Variants in SYNPR observed in about 807,000 individuals in gnomAD.
SYNPR encodes synaptoporin.
Under a neutral mutation model 32.9 loss-of-function variants are expected in SYNPR, and 23 were observed. That is an observed-to-expected ratio of 0.70 (90% CI 0.50 to 0.99). The LOEUF (loss-of-function observed/expected upper bound fraction) is 0.99. Ranked by LOEUF, SYNPR falls within the 50% of genes least tolerant of loss-of-function variation. SYNPR has a pLI of 0.00. For synonymous variants in SYNPR, 146 were observed against 135.9 expected (o/e 1.07, Z -0.52); for missense variants, 318 against 349.3 (o/e 0.91, Z 0.71).
chr3:63,603,212 C>T (rs11921681), intron 4 of SYNPR, among the ~76,000 whole-genome samples: 94,239 of 152,028 alleles, frequency 0.62, 29,448 homozygotes, highest in African/African-American at 0.68. Context: ...AAAACTTTGC[C>T]GAAGTTGTCT....
intron 4 of SYNPR, among the ~76,000 whole-genome samples, chr3:63,605,360 T>C (rs1700102701): frequency 6.6e-6 from 1 of 152,198 alleles, no homozygotes; most frequent in Non-Finnish European, 1.5e-5. Flanking sequence ...TTTGCCCTTC[T>C]ACACGATGGC....
chr3:63,403,298 G>C (rs1029678506), intron 2 of SYNPR, among the ~76,000 whole-genome samples: 1 of 152,020 alleles, frequency 6.6e-6, no homozygotes, highest in African/African-American at 2.4e-5. Context: ...GATTTGAAAA[G>C]AACATTAAAT....
intron 2 of SYNPR, among the ~76,000 whole-genome samples, chr3:63,428,007 T>C (rs1160157801): frequency 1.3e-5 from 2 of 152,226 alleles, no homozygotes; most frequent in Admixed American, 6.5e-5. Flanking sequence ...TTTTAAAATG[T>C]ATTTTCTGTC....
intron 2 of SYNPR, among the ~76,000 whole-genome samples, chr3:63,296,535 G>A (rs530994560): frequency 6.6e-6 from 1 of 152,272 alleles, no homozygotes; most frequent in South Asian, 2.1e-4. Context: ...TGAGATGATG[G>A]AATTAGTGAC....
chr3:63,388,948 C>T (rs1471256501), intron 2 of SYNPR, among the ~76,000 whole-genome samples: 1 of 152,094 alleles, frequency 6.6e-6, no homozygotes, highest in African/African-American at 2.4e-5. Flanking sequence ...TTTCATAAAA[C>T]AGTCATGCTG....
intron 2 of SYNPR, among the ~76,000 whole-genome samples, chr3:63,396,482 G>A (rs2088214283): frequency 6.6e-6 from 1 of 152,160 alleles, no homozygotes; most frequent in African/African-American, 2.4e-5. Context: ...TTCAGAAATA[G>A]TATTAGTTCA....
intron 3 of SYNPR, among the ~76,000 whole-genome samples, chr3:63,270,145 A>C (rs1326199317): frequency 6.6e-6 from 1 of 152,210 alleles, no homozygotes; most frequent in Non-Finnish European, 1.5e-5. Flanking sequence ...ATTAGGGGAT[A>C]GTCTAAAGTA....
chr3:63,386,965 G>A (rs1350429248), intron 2 of SYNPR, among the ~76,000 whole-genome samples: 1 of 152,158 alleles, frequency 6.6e-6, no homozygotes, highest in Admixed American at 6.5e-5. Context: ...AAAACAAATG[G>A]CAGTGATCTC....
chr3:63,468,084 C>A (rs573255255), intron 2 of SYNPR, among the ~76,000 whole-genome samples: 1 of 149,958 alleles, frequency 6.7e-6, no homozygotes, highest in Non-Finnish European at 1.5e-5. Context: ...GTCCCAGCTA[C>A]GTGGGAGGCT....
intron 2 of SYNPR, among the ~76,000 whole-genome samples, chr3:63,378,210 A>T (rs1024538514): frequency 6.6e-6 from 1 of 152,000 alleles, no homozygotes; most frequent in African/African-American, 2.4e-5. Context: ...ATTAAATAAC[A>T]TTCAATTATA....
chr3:63,336,849 T>C lies in SYNPR; in HGVS notation c.84+58107T>C, dbSNP rs568279742. Among the ~76,000 whole-genome samples the C allele has an allele frequency of 6.4e-4, 97 of 152,296 alleles. 2 individuals carry two copies. Among genetic ancestry groups the C allele is most frequent in the African/African-American group, 2.3e-3 (95 of 41,560 alleles). ...CAAGAAAATATTTGTAAAACATATA[T>C]GTGATAAAGCACTTGTATCCAGGAT... On this transcript the variant is annotated intron_variant, in intron 2 of 5. Coordinates refer to ENST00000478300, the MANE Select transcript of SYNPR (RefSeq NM_001130003.2).
intron 4 of SYNPR, among the ~76,000 whole-genome samples, chr3:63,564,317 C>A (rs923544037): frequency 2.6e-5 from 4 of 151,900 alleles, no homozygotes; most frequent in African/African-American, 2.4e-5. Flanking sequence ...CTGCCTCAGC[C>A]TCCCCAGTAG....
chr3:63,335,507 T>C (rs1447545215), intron 2 of SYNPR, among the ~76,000 whole-genome samples: 2 of 152,152 alleles, frequency 1.3e-5, no homozygotes, highest in African/African-American at 4.8e-5. Context: ...TCCTTGAATT[T>C]GGTTTAACCA....
intron 4 of SYNPR, among the ~76,000 whole-genome samples, chr3:63,583,951 T>C (rs761446648): frequency 2.0e-4 from 30 of 152,164 alleles, no homozygotes; most frequent in Non-Finnish European, 3.1e-4. Flanking sequence ...CCACTTGCCC[T>C]GGGTTGGAAA....
intron 2 of SYNPR, among the ~76,000 whole-genome samples, chr3:63,400,054 C>A (rs560823561): frequency 7.2e-5 from 11 of 152,168 alleles, no homozygotes; most frequent in Non-Finnish European, 1.2e-4. Context: ...AGAGGATGAG[C>A]AAGCTCAACC....
chr3:63,365,906 T>A (rs2087724336), intron 2 of SYNPR, among the ~76,000 whole-genome samples: 1 of 152,204 alleles, frequency 6.6e-6, no homozygotes, highest in African/African-American at 2.4e-5. Flanking sequence ...CACCTCATAT[T>A]CTGATTATTT....
rs372793014 is a variant in SYNPR, at chr3:63,522,654, G to C, written c.210-33889G>C. ...TTCTAACCTGCCCTGCTGAAGGACT[G>C]TCTTAACAGAAGACAAATAAGCTCG... On this transcript the variant is annotated intron_variant, in intron 3 of 5. Transcript: ENST00000478300. 8.5e-5 allele frequency among the ~76,000 whole-genome samples: 13 copies of C among 152,322 alleles called. No homozygotes were observed. The South Asian group carries it at 2.7e-3, about 32-fold the overall frequency.
At chr3:63,264,857 A>G (rs892633263) in intron 2 of SYNPR, among the ~76,000 whole-genome samples, 1 of 152,014 alleles carries the variant, frequency 6.6e-6, no homozygotes, top group Admixed American at 6.6e-5. Flanking sequence ...ACGCTTATAA[A>G]ACCGTCAGAT....
intron 1 of SYNPR, among the ~76,000 whole-genome samples, chr3:63,236,364 A>G (rs1262005192): frequency 6.6e-6 from 1 of 151,900 alleles, no homozygotes; most frequent in African/African-American, 2.4e-5. Flanking sequence ...TTTAGGGCCT[A>G]TGTTTTCCTA....
Sources: allele counts gnomAD v4.1 joint callset (sites outside exome capture counted in the v4.1 genomes callset), GRCh38; gene constraint gnomAD v4.1.1; transcripts MANE v1.5; gene names NCBI Gene and HGNC (gene_info 2026-07-23, HGNC 2026-07-21).